NDUFA10: variants seen among roughly 807,000 people sequenced by gnomAD.
NDUFA10 encodes the protein NADH dehydrogenase [ubiquinone] 1 alpha subcomplex subunit 10, mitochondrial.
In NDUFA10, 40 loss-of-function variants were observed where a neutral mutation model predicts 47.8. That is an observed-to-expected ratio of 0.84 (90% CI 0.65 to 1.09). NDUFA10 has a LOEUF of 1.09. NDUFA10 is among the 50% of genes least tolerant of loss of function. The probability of loss-of-function intolerance (pLI) is 0.00; values close to 1 mark genes in which losing one functional copy is unlikely to be tolerated. For missense variants in NDUFA10, 413 were observed against 451.1 expected (o/e 0.92, Z 0.76); for synonymous variants, 183 against 172.2 (o/e 1.06, Z -0.49).
downstream of NDUFA10, among the ~76,000 whole-genome samples, chr2:239,955,746 G>A (rs558572742): frequency 2.6e-3 from 390 of 152,268 alleles, 1 homozygote; most frequent in Non-Finnish European, 4.1e-3. Context: ...GTCATAGGCT[G>A]GGTTCTCAGG....
At chr2:239,985,446 G>A (rs1296652429) in intron 9 of NDUFA10, among the ~76,000 whole-genome samples, 13 of 148,324 alleles carry the variant, frequency 8.8e-5, no homozygotes, top group South Asian at 8.5e-4. Flanking sequence ...AGGCAGTTTA[G>A]AAGAACACAT....
chr2:240,021,454 T>A (rs1367788106), intron 2 of NDUFA10, 42 bp from the exon 3 acceptor site: 2 of 1,570,332 alleles, frequency 1.3e-6, no homozygotes, highest in Non-Finnish European at 1.7e-6. Context: ...TGCACATCAC[T>A]CACTCCCCGC....
downstream of NDUFA10, among the ~76,000 whole-genome samples, chr2:239,953,148 T>C (rs1465367269): frequency 7.9e-5 from 12 of 152,090 alleles, no homozygotes; most frequent in Non-Finnish European, 1.5e-5. Flanking sequence ...AAGATCTTGA[T>C]GGGGGGTTTC....
downstream of NDUFA10, among the ~76,000 whole-genome samples, chr2:239,954,873 G>C (rs1694622422): frequency 1.3e-5 from 2 of 152,150 alleles, no homozygotes; most frequent in Admixed American, 1.3e-4. Context: ...TGTGAGTCCT[G>C]CGTTCTCACG....
At chr2:239,986,394 G>T (rs766909789) in intron 9 of NDUFA10, among the ~76,000 whole-genome samples, 4 of 152,152 alleles carry the variant, frequency 2.6e-5, no homozygotes, top group Non-Finnish European at 5.9e-5. Flanking sequence ...GTGGGATTCC[G>T]GCAGGTAAAT....
chr2:239,988,818 T>C (rs1483483916), intron 9 of NDUFA10, among the ~76,000 whole-genome samples: 2 of 150,034 alleles, frequency 1.3e-5, no homozygotes, highest in African/African-American at 2.5e-5. Context: ...AAACAGCACA[T>C]GCACTCACAC....
At chr2:239,930,768 A>G (rs1694156591) in intron 4 of NDUFA10, among the ~76,000 whole-genome samples, 1 of 152,032 alleles carries the variant, frequency 6.6e-6, no homozygotes, top group African/African-American at 2.4e-5. Flanking sequence ...GGATGGGTAC[A>G]GCGAGCTCAG....
chr2:240,018,914 G>A (rs556318777), intron 3 of NDUFA10, among the ~76,000 whole-genome samples: 2 of 152,216 alleles, frequency 1.3e-5, no homozygotes, highest in South Asian at 2.1e-4. Flanking sequence ...TTTAAATAAC[G>A]TATTCCACCC....
chr2:239,976,027 A>T (rs1190395349), intron 9 of NDUFA10, among the ~76,000 whole-genome samples: 1 of 152,174 alleles, frequency 6.6e-6, no homozygotes, highest in African/African-American at 2.4e-5. Context: ...TCTAATAGTC[A>T]AGAAGTTACT....
rs79683838 is a variant in NDUFA10 at position 239,929,125 on chromosome 2, T to C, written c.295-33811A>G. On this transcript the variant is annotated intron_variant, in intron 4 of 5. Transcript: ENST00000419408. ...TCTGGCTAACGAGATCGTAACAAGA[T>C]CGCCACCCGGCGTCTCCAAAGCCGG... Among the ~76,000 whole-genome samples the C allele has an allele frequency of 2.5e-3, 379 of 152,122 alleles. 5 individuals are homozygous for C. The highest frequency in any genetic ancestry group is 8.4e-3 in the African/African-American group (349 of 41,500).
intron 9 of NDUFA10, chr2:239,983,866 CG>C: frequency 7.4e-7 from 1 of 1,355,614 alleles, no homozygotes; most frequent in Non-Finnish European, 9.8e-7. Flanking sequence ...ATATTCTAGA[CG>C]GGGTATTGGA....
intron 8 of NDUFA10, 21 bp from the exon 9 acceptor site, chr2:239,990,203 G>A: frequency 6.5e-7 from 1 of 1,544,488 alleles, no homozygotes. Flanking sequence ...AGACACATGT[G>A]GATCACACCA....
At chr2:239,954,956 G>A (rs1574804368), downstream of NDUFA10, among the ~76,000 whole-genome samples, 1 of 152,200 alleles carries the variant, frequency 6.6e-6, no homozygotes, top group Admixed American at 6.5e-5. Flanking sequence ...TTCGCCTGCT[G>A]TTGGCAACGG....
Position 240,005,224 on chromosome 2 carries a change from G to A in NDUFA10, c.876C>T (p.Tyr292=), listed in dbSNP as rs1696898666. The change falls in exon 8 of 10, where the codon TAC becomes TAT. Residue 292 remains tyrosine (Y), a synonymous_variant. Transcript: ENST00000252711. Reference sequence around the variant, plus strand: ...GATGCACTTACAGTAATCGCAGGTGGTATAAAGTGCGATTGTCCTGCTTGA... The same window carrying A: ...GATGCACTTACAGTAATCGCAGGTGATATAAAGTGCGATTGTCCTGCTTGA... ...PWLKQDNRTL[Y]HLRLLVQDKF... is the part of the protein sequence containing the mutation. 2.5e-5 allele frequency: 40 copies of A among 1,613,664 alleles called. No homozygotes were observed. The highest frequency in any genetic ancestry group is 3.3e-5 in the Non-Finnish European group (39 of 1,179,718).
chr2:239,900,700 G>A (rs118026267), intron 4 of NDUFA10, among the ~76,000 whole-genome samples: 2,364 of 152,274 alleles, frequency 0.016, 72 homozygotes, highest in East Asian at 0.14. Flanking sequence ...TTGCCGATAT[G>A]GAGAAGTGGT....
intron 8 of NDUFA10, among the ~76,000 whole-genome samples, chr2:240,003,112 C>A (rs1054753139): frequency 6.6e-6 from 1 of 152,180 alleles, no homozygotes; most frequent in Non-Finnish European, 1.5e-5. Flanking sequence ...AGCTTCCCAA[C>A]GTGCTGGGTT....
downstream of NDUFA10, among the ~76,000 whole-genome samples, chr2:239,955,304 C>T (rs1038649311): frequency 6.6e-6 from 1 of 152,140 alleles, no homozygotes; most frequent in Non-Finnish European, 1.5e-5. Context: ...TGAAAATAGA[C>T]AGCTATGCAA....
At chr2:239,942,286 CTGCTGGGGCCCA>C (rs1442102096) in intron 4 of NDUFA10, among the ~76,000 whole-genome samples, 2 of 152,252 alleles carry the variant, frequency 1.3e-5, no homozygotes, top group Non-Finnish European at 2.9e-5. Flanking sequence ...AACACAGATG[CTGCTGGGGCCCA>C]CCCACCAGGG....
At chr2:239,912,579 G>C (rs139015339) in intron 4 of NDUFA10, among the ~76,000 whole-genome samples, 1 of 85,004 alleles carries the variant, frequency 1.2e-5, no homozygotes, top group Non-Finnish European at 2.2e-5. Context: ...CCTTTCCCAG[G>C]GATGGTGCCA....
Sources: gnomAD v4.1 joint callset for allele counts (sites outside exome capture counted in the v4.1 genomes callset) on GRCh38, gnomAD v4.1.1 for gene constraint, MANE v1.5 for transcripts, NCBI Gene and HGNC (gene_info 2026-07-23, HGNC 2026-07-21) for gene names.